GPALPP1: variants seen among roughly 807,000 people sequenced by gnomAD.
GPALPP1 encodes GPALPP motifs-containing protein 1.
In GPALPP1, 30 loss-of-function variants were observed where a neutral mutation model predicts 38.9. The ratio of observed to expected loss-of-function variants is 0.77; its 90% CI spans 0.58 to 1.05. The LOEUF (loss-of-function observed/expected upper bound fraction) is 1.05. GPALPP1 is among the 50% of genes least tolerant of loss of function. The pLI, the probability that GPALPP1 is intolerant of heterozygous loss-of-function variation, is 0.00. For missense variants in GPALPP1, 384 were observed against 408.8 expected, an observed-to-expected ratio of 0.94 and a Z score of 0.52; for synonymous variants, 120 against 139.2, an observed-to-expected ratio of 0.86 and a Z score of 0.97.
chr13:45,021,652 A>C (rs1465129502), intron 7 of GPALPP1, among the ~76,000 whole-genome samples: 1 of 152,024 alleles, frequency 6.6e-6, no homozygotes. Context: ...AAAAAAAAAA[A>C]ACCTGGAAAT....
chr13:45,012,800 C>T (rs774341503), intron 4 of GPALPP1, among the ~76,000 whole-genome samples: 26 of 152,112 alleles, frequency 1.7e-4, no homozygotes, highest in Non-Finnish European at 3.4e-4. Context: ...TTGAGATTTT[C>T]GTTTCTCAAA....
chr13:45,034,118 G>A (rs1196427020), downstream of GPALPP1: 1 of 152,172 alleles, frequency 6.6e-6, no homozygotes, highest in Non-Finnish European at 1.5e-5. Context: ...TATTTCTGGA[G>A]GAACTTATAT....
rs6561195 is a variant in GPALPP1 at position 45,029,640 on chromosome 13, A to C, written c.*1637A>C. 0.92 allele frequency: 140,314 copies of C among 152,220 alleles called. 65,295 individuals are homozygous for C. The highest frequency in any genetic ancestry group is 1 in the East Asian group (5,178 of 5,180). 9.4% of individuals were successfully genotyped at this position (152,220 alleles called of 1,614,324 possible). ...CCTAGAGTCAGTGTGTCAAGTCCTT[A>C]CTGTAAATCCATGACTTTGAAATTT... is the stretch of plus-strand genomic sequence containing the variant. On this transcript the variant is annotated 3_prime_UTR_variant, in exon 8 of 8. Transcript: ENST00000379151.
chr13:45,006,433 T>G (rs1324181636), intron 3 of GPALPP1, 130 bp downstream of exon 3: 20 of 528,538 alleles, frequency 3.8e-5, no homozygotes, highest in Non-Finnish European at 6.7e-5. Context: ...AAATGGGTCA[T>G]TCACCAGGAA....
intron 2 of GPALPP1, among the ~76,000 whole-genome samples, chr13:45,004,681 T>C (rs1873948183): frequency 6.6e-6 from 1 of 152,210 alleles, no homozygotes; most frequent in South Asian, 2.1e-4. Context: ...AGGGGCTCAC[T>C]CTGGCGCACA....
At chr13:45,007,276 G>A (rs1210482190) in intron 3 of GPALPP1, among the ~76,000 whole-genome samples, 2 of 152,044 alleles carry the variant, frequency 1.3e-5, no homozygotes, top group Admixed American at 6.6e-5. Flanking sequence ...TTACTTAAAT[G>A]TATACCAATT....
downstream of GPALPP1, chr13:45,030,736 T>C (rs558270224): frequency 1.3e-5 from 2 of 152,266 alleles, no homozygotes; most frequent in African/African-American, 4.8e-5. Context: ...CATGTAAGCT[T>C]TATGAAAATT....
At chr13:45,013,610 G>T (rs971508753) in intron 4 of GPALPP1, among the ~76,000 whole-genome samples, 4 of 152,116 alleles carry the variant, frequency 2.6e-5, no homozygotes, top group Non-Finnish European at 4.4e-5. Flanking sequence ...GTTAGAGAAG[G>T]CCCCAGTTCC....
At chr13:45,003,734 T>A (rs975067573) in intron 1 of GPALPP1, among the ~76,000 whole-genome samples, 2 of 152,144 alleles carry the variant, frequency 1.3e-5, no homozygotes, top group Admixed American at 6.5e-5. Context: ...AACATCCCCA[T>A]TACAGTGCAG....
At chr13:45,032,532 A>G (rs973765817), downstream of GPALPP1, among the ~76,000 whole-genome samples, 7 of 151,550 alleles carry the variant, frequency 4.6e-5, no homozygotes, top group Non-Finnish European at 1.0e-4. Flanking sequence ...CAGCCTCCCA[A>G]GTAGCTGGGA....
chr13:45,018,868 AGTT>A (rs1401358541), intron 6 of GPALPP1, among the ~76,000 whole-genome samples: 2 of 147,892 alleles, frequency 1.4e-5, no homozygotes, highest in African/African-American at 4.9e-5. Flanking sequence ...TTCAAATTCC[AGTT>A]GTTTCTTGCT....
At chr13:44,991,005 G>T (rs924214865) in intron 1 of GPALPP1, among the ~76,000 whole-genome samples, 3 of 152,102 alleles carry the variant, frequency 2.0e-5, no homozygotes, top group Non-Finnish European at 4.4e-5. Flanking sequence ...CAGGAGAATC[G>T]CTTGAACCCA....
chr13:44,999,401 T>A (rs1392970675), intron 1 of GPALPP1, among the ~76,000 whole-genome samples: 3 of 152,192 alleles, frequency 2.0e-5, no homozygotes, highest in Non-Finnish European at 4.4e-5. Context: ...AGAGCCTCCT[T>A]AATGACGACA....
At chr13:44,990,471 T>G (rs1872714607) in intron 1 of GPALPP1, 1 of 152,744 alleles carries the variant, frequency 6.5e-6, no homozygotes, top group African/African-American at 2.4e-5. Context: ...TTTTCCTAAT[T>G]ACATTGCATA....
intron 1 of GPALPP1, among the ~76,000 whole-genome samples, chr13:45,001,129 G>A (rs970441107): frequency 2.6e-5 from 4 of 152,102 alleles, no homozygotes; most frequent in Admixed American, 1.3e-4. Flanking sequence ...CATGGTGGTG[G>A]TTACCCTCAT....
intron 4 of GPALPP1, among the ~76,000 whole-genome samples, chr13:45,013,909 A>C (rs1874651215): frequency 6.6e-6 from 1 of 152,152 alleles, no homozygotes; most frequent in Non-Finnish European, 1.5e-5. Flanking sequence ...CAGGACACCA[A>C]AATAATTTAA....
exon 8 of GPALPP1, chr13:45,036,847 C>T (rs1243488854): frequency 1.3e-5 from 2 of 152,288 alleles, no homozygotes; most frequent in East Asian, 3.9e-4. Flanking sequence ...GTCCCAGCTA[C>T]TCAGGAAGCT....
chr13:45,032,697 C>T (rs1015803419), downstream of GPALPP1, among the ~76,000 whole-genome samples: 4 of 150,538 alleles, frequency 2.7e-5, no homozygotes, highest in African/African-American at 4.9e-5. Flanking sequence ...TGAGCCACCG[C>T]GCCTGGCCTG....
exon 8 of GPALPP1, chr13:45,037,221 T>G (rs1441904524): frequency 6.6e-6 from 1 of 152,252 alleles, no homozygotes; most frequent in African/African-American, 2.4e-5. Flanking sequence ...TAGTTTTATC[T>G]TCATACAATC....
Sources: gnomAD v4.1 joint callset for allele counts (sites outside exome capture counted in the v4.1 genomes callset) on GRCh38, gnomAD v4.1.1 for gene constraint, MANE v1.5 for transcripts, NCBI Gene and HGNC (gene_info 2026-07-23, HGNC 2026-07-21) for gene names.